Variants in SPTLC2 observed in about 807,000 individuals in gnomAD.
The protein encoded by SPTLC2 is serine palmitoyltransferase long chain base subunit 2, also known as serine palmitoyltransferase 2.
A neutral mutation model predicts 62.0 loss-of-function variants in SPTLC2; 21 were observed. That is an observed-to-expected ratio of 0.34 (90% CI 0.24 to 0.49). SPTLC2 has a LOEUF of 0.49. SPTLC2 is among the 20% of genes least tolerant of loss of function. The pLI, the probability that SPTLC2 is intolerant of heterozygous loss-of-function variation, is 0.99. For missense variants in SPTLC2, 511 were observed against 713.0 expected (o/e 0.72, Z 3.23); for synonymous variants, 261 against 261.8 (o/e 1.00, Z 0.03).
chr14:77,535,260 G>A (rs560292800), intron 9 of SPTLC2, among the ~76,000 whole-genome samples: 4 of 152,200 alleles, frequency 2.6e-5, no homozygotes, highest in Admixed American at 2.6e-4. Context: ...CCAAGACCCG[G>A]AGCAAAAAGC....
intron 4 of SPTLC2, among the ~76,000 whole-genome samples, chr14:77,572,116 A>G (rs555210202): frequency 6.6e-6 from 1 of 152,338 alleles, no homozygotes; most frequent in South Asian, 2.1e-4. Context: ...CAAATGCCAT[A>G]AAGGCATAAT....
chr14:77,609,078 A>C (rs2079921170), intron 1 of SPTLC2, among the ~76,000 whole-genome samples: 1 of 152,008 alleles, frequency 6.6e-6, no homozygotes, highest in Non-Finnish European at 1.5e-5. Context: ...GGGAAAGTTC[A>C]TGGTGGGCCT....
intron 1 of SPTLC2, among the ~76,000 whole-genome samples, chr14:77,609,873 G>GAATC (rs918153375): frequency 5.3e-5 from 8 of 152,094 alleles, no homozygotes; most frequent in South Asian, 2.1e-4. Context: ...GTAACACCCT[G>GAATC]AATCAATCAA....
At chr14:77,525,445 C>A (rs1839937971) in intron 9 of SPTLC2, among the ~76,000 whole-genome samples, 1 of 151,548 alleles carries the variant, frequency 6.6e-6, no homozygotes, top group Non-Finnish European at 1.5e-5. Context: ...ACAAAATTAG[C>A]CAGGTGTGGT....
At chr14:77,563,872 T>C (rs912866792) in intron 5 of SPTLC2, among the ~76,000 whole-genome samples, 5 of 152,326 alleles carry the variant, frequency 3.3e-5, no homozygotes, top group East Asian at 3.9e-4. Context: ...CTTAAGAAAC[T>C]TGTAACAGTA....
chr14:77,571,927 AT>A, intron 4 of SPTLC2, among the ~76,000 whole-genome samples: 1 of 151,810 alleles, frequency 6.6e-6, no homozygotes, highest in Non-Finnish European at 1.5e-5. Flanking sequence ...AGTAGCCGGG[AT>A]TACAGGTGCG....
At position 77,594,836 on chromosome 14, in the gene SPTLC2, C is replaced by G. The variant is rs536900465; in HGVS notation, c.327+2350G>C. Among the ~76,000 whole-genome samples the G allele has an allele frequency of 8.8e-5, 13 of 147,302 alleles. 1 individual carries two copies. The South Asian group carries it at 2.6e-3, about 30-fold the overall frequency. Reference sequence around the variant, plus strand: ...ACTATGCATCTACACTAGGAGAGGTCCCTGCAGATAAAGAGTTTTTAGTTT... The same window carrying G: ...ACTATGCATCTACACTAGGAGAGGTGCCTGCAGATAAAGAGTTTTTAGTTT... On this transcript the variant is annotated intron_variant, in intron 2 of 11. Transcript: ENST00000216484.
chr14:77,573,917 C>T (rs917254114), intron 4 of SPTLC2, among the ~76,000 whole-genome samples: 1 of 152,190 alleles, frequency 6.6e-6, no homozygotes, highest in East Asian at 1.9e-4. Flanking sequence ...CAGGCATGAG[C>T]CACTGTGCCC....
chr14:77,562,789 C>G (rs150593707), intron 5 of SPTLC2, among the ~76,000 whole-genome samples: 1 of 152,112 alleles, frequency 6.6e-6, no homozygotes, highest in African/African-American at 2.4e-5. Flanking sequence ...ATGACACATC[C>G]GTCTCTAAAA....
chr14:77,561,828 T>C (rs1162139744), intron 6 of SPTLC2, among the ~76,000 whole-genome samples: 2 of 152,254 alleles, frequency 1.3e-5, no homozygotes, highest in African/African-American at 4.8e-5. Context: ...AAAGATGCTA[T>C]TAACATACAG....
At chr14:77,562,568 A>T in intron 5 of SPTLC2, 79 bp from the exon 6 acceptor site, 1 of 1,079,996 alleles carries the variant, frequency 9.3e-7, no homozygotes, top group East Asian at 2.4e-5. Context: ...TGCCACAAAC[A>T]CTAATAGCTG....
chr14:77,597,771 G>A (rs1354592080), intron 1 of SPTLC2, among the ~76,000 whole-genome samples: 1 of 138,906 alleles, frequency 7.2e-6, no homozygotes, highest in Admixed American at 7.5e-5. Context: ...AAGACTCCGT[G>A]TCAAAAAAAA....
rs542439463 is a variant in SPTLC2, at chr14:77,513,008, C to A, written c.1570-605G>T. On this transcript the variant is annotated intron_variant, in intron 11 of 11. Transcript: ENST00000216484. ...GGGATTATAGGCGTAAGCCAACGAA[C>A]CCAGCAACTTTTTTTTTTTTTTTTT... is the stretch of plus-strand genomic sequence containing the variant. Among the ~76,000 whole-genome samples, 5 of 129,210 alleles carry A rather than the reference C, an allele frequency of 3.9e-5. No homozygotes were observed. In the South Asian group the frequency reaches 1.4e-3, roughly 35 times the overall value. The allele number at this position is 129,210 out of a possible 152,430, so 84.8% of individuals were successfully genotyped here.
At chr14:77,534,198 A>G (rs1015665287) in intron 9 of SPTLC2, among the ~76,000 whole-genome samples, 4 of 149,208 alleles carry the variant, frequency 2.7e-5, no homozygotes, top group Non-Finnish European at 5.9e-5. Flanking sequence ...ACACACACAC[A>G]CACACACACA....
At chr14:77,576,362 TAA>T (rs2079715680) in intron 4 of SPTLC2, among the ~76,000 whole-genome samples, 1 of 152,232 alleles carries the variant, frequency 6.6e-6, no homozygotes, top group African/African-American at 2.4e-5. Context: ...ACGTAATTCT[TAA>T]AAGAGCTCTA....
chr14:77,606,532 A>AT (rs1206413042), intron 1 of SPTLC2, among the ~76,000 whole-genome samples: 2 of 152,084 alleles, frequency 1.3e-5, no homozygotes, highest in Non-Finnish European at 2.9e-5. Context: ...CTCATGTTCA[A>AT]TTTTTTAACA....
intron 9 of SPTLC2, among the ~76,000 whole-genome samples, chr14:77,525,135 TA>T (rs59953327): frequency 0.11 from 16,870 of 152,078 alleles, 1,388 homozygotes; most frequent in African/African-American, 0.23. Flanking sequence ...TATCAATTTT[TA>T]AAAAAAGGAA....
At chr14:77,596,706 G>A (rs939495585) in intron 2 of SPTLC2, among the ~76,000 whole-genome samples, 2 of 152,124 alleles carry the variant, frequency 1.3e-5, no homozygotes, top group Non-Finnish European at 2.9e-5. Context: ...TCTGGGGAGA[G>A]GAGCTGATGT....
chr14:77,548,406 C>T (rs2079540362), intron 9 of SPTLC2, among the ~76,000 whole-genome samples: 1 of 152,156 alleles, frequency 6.6e-6, no homozygotes, highest in African/African-American at 2.4e-5. Flanking sequence ...CAAAGCACAG[C>T]TCTGGAAAAT....
Sources: gnomAD v4.1 joint callset for allele counts (sites outside exome capture counted in the v4.1 genomes callset) on GRCh38, gnomAD v4.1.1 for gene constraint, MANE v1.5 for transcripts, NCBI Gene and HGNC (gene_info 2026-07-23, HGNC 2026-07-21) for gene names.